Variants in AQR observed in about 807,000 individuals in gnomAD.
The protein encoded by AQR is aquarius intron-binding spliceosomal factor, also known as RNA helicase aquarius.
A neutral mutation model predicts 180.5 loss-of-function variants in AQR; 61 were observed. The ratio of observed to expected loss-of-function variants is 0.34; its 90% CI spans 0.28 to 0.42. The LOEUF (loss-of-function observed/expected upper bound fraction) is 0.42. Among genes scored for constraint, AQR ranks in the 10% least tolerant of loss-of-function variants. The pLI is 1.00. For missense variants in AQR, 1,281 were observed against 1,798.3 expected, an observed-to-expected ratio of 0.71 and a Z score of 5.20; for synonymous variants, 551 against 588.8, an observed-to-expected ratio of 0.94 and a Z score of 0.93.
chr15:34,854,155 G>GGAA lies in AQR; in HGVS notation c.*2636_*2637insTTC, dbSNP rs1566976550. ...ATGAACTTTCTTAACTCAGAATTTT[G>GGAA]AAAAAAAAAAAAAAAAAAGAAGAAG... On this transcript the variant is annotated 3_prime_UTR_variant, in exon 35 of 35. Transcript: ENST00000156471. The GGAA allele has an allele frequency of 7.6e-6, 1 of 130,788 alleles. No homozygotes were observed. The allele number at this position is 130,788 out of a possible 1,614,324, so 8.1% of individuals were successfully genotyped here. A position where few individuals can be genotyped will look rare whatever the true frequency, so the allele number is the denominator to read the frequency against.
At chr15:34,898,808 C>T (rs575521940) in intron 20 of AQR, among the ~76,000 whole-genome samples, 1 of 150,820 alleles carries the variant, frequency 6.6e-6, no homozygotes, top group African/African-American at 2.4e-5. Flanking sequence ...GGCGTGAACC[C>T]GGGAGGCAGA....
In AQR at chr15:34,900,656, C is replaced by G; in HGVS notation, c.2209G>C (p.Val737Leu). 1 of 1,614,128 alleles carries G rather than the reference C, an allele frequency of 6.2e-7. No homozygotes were observed. Among genetic ancestry groups the G allele is most frequent in the Non-Finnish European group, 8.5e-7 (1 of 1,179,996 alleles). ...SFPGHNVKVTVEDPALQIPPF... is the reference protein window; with the variant it reads ...SFPGHNVKVTLEDPALQIPPF... ...GGTATTTGTAGAGCAGGGTCTTCTA[C>G]AGTTACTTTAACATTATGACCAGGG... Residue 737 changes from valine to leucine, a missense_variant, in exon 20 of 35, where the codon GTA becomes CTA. This residue lies in a region of AQR where 112 missense variants were observed against 128.6 expected (regional missense o/e 0.87). Transcript: ENST00000156471.
At position 34,963,092 on chromosome 15, in the gene AQR, G is replaced by A. The variant is rs145276223; in HGVS notation, c.132+1142C>T. Among the ~76,000 whole-genome samples, 1,108 of 152,152 alleles carry A rather than the reference G, an allele frequency of 7.3e-3. 8 individuals are homozygous for A. Among genetic ancestry groups the A allele is most frequent in the Non-Finnish European group, 0.012 (833 of 67,988 alleles). On this transcript the variant is annotated intron_variant, in intron 2 of 34. Transcript: ENST00000156471. ...CCTGGGCTCAGTCAGTCATCCTCCC[G>A]CTTCAGCTTCCAGAGCAATTGATAC...
chr15:34,887,054 G>A (rs1350777782), intron 24 of AQR, among the ~76,000 whole-genome samples: 1 of 151,994 alleles, frequency 6.6e-6, no homozygotes, highest in Non-Finnish European at 1.5e-5. Context: ...GAACCTGGGA[G>A]GCGGAGCTTG....
Position 34,932,185 on chromosome 15 carries a change from T to C in AQR, c.900+133A>G. ...GGCAACCTATATAAGAATACATTCATTTTATATATTAAGACATGACTTTAA... is the reference window on the plus strand; with the variant it reads ...GGCAACCTATATAAGAATACATTCACTTTATATATTAAGACATGACTTTAA... On this transcript the variant is annotated intron_variant, in intron 11 of 34. Coordinates refer to ENST00000156471, the MANE Select transcript of AQR (RefSeq NM_014691.3). 1.4e-5 allele frequency: 9 copies of C among 663,032 alleles called. No homozygotes were observed. In the South Asian group the frequency reaches 1.8e-4, roughly 13 times the overall value. 41.1% of individuals were successfully genotyped at this position (663,032 alleles called of 1,614,324 possible). A position where few individuals can be genotyped will look rare whatever the true frequency, so the allele number is the denominator to read the frequency against.
intron 31 of AQR, chr15:34,869,470 A>C (rs1253189459): frequency 1.3e-5 from 2 of 152,128 alleles, no homozygotes; most frequent in African/African-American, 4.8e-5. Flanking sequence ...CCATGTGGAG[A>C]ACTGGGCTCA....
At chr15:34,900,292 T>A (rs758243521) in intron 20 of AQR, among the ~76,000 whole-genome samples, 16 of 152,222 alleles carry the variant, frequency 1.1e-4, no homozygotes, top group Non-Finnish European at 1.9e-4. Context: ...CTGCATTAGT[T>A]GAGAAACATA....
rs978103157 is a variant in AQR, at chr15:34,969,461, G to GA, written c.75+77dup. The stretch of plus-strand genomic sequence containing the variant: ...TGCCTCCTCCGGACTCCTAAATCCT[G>GA]AAAAAAAACCCCACCACCAGGCCTC... On this transcript the variant is annotated intron_variant, in intron 1 of 34. Transcript: ENST00000156471. The GA allele has an allele frequency of 1.3e-4, 197 of 1,503,598 alleles. No homozygotes were observed. In the Middle Eastern group the frequency reaches 1.7e-3, roughly 13 times the overall value. 93.1% of individuals were successfully genotyped at this position (1,503,598 alleles called of 1,614,324 possible).
At chr15:34,961,612 C>CAAAAAAAAA (rs1178777471) in intron 2 of AQR, among the ~76,000 whole-genome samples, 1 of 26,858 alleles carries the variant, frequency 3.7e-5, no homozygotes, top group Non-Finnish European at 6.7e-5. Flanking sequence ...GACTCCATCT[C>CAAAAAAAAA]AAAAAAAAAA....
chr15:34,964,398 C>G (rs1234522233), intron 1 of AQR, 108 bp from the exon 2 acceptor site: 8 of 903,462 alleles, frequency 8.9e-6, no homozygotes, highest in Middle Eastern at 2.1e-4. Flanking sequence ...CTACTCGGCA[C>G]TGGGGGACAG....
intron 32 of AQR, among the ~76,000 whole-genome samples, chr15:34,865,255 A>G (rs1429060443): frequency 6.6e-6 from 1 of 152,186 alleles, no homozygotes; most frequent in Non-Finnish European, 1.5e-5. Context: ...TACTTGGCTC[A>G]GAACAGGTTA....
At chr15:34,959,189 G>T (rs1176526013) in intron 3 of AQR, among the ~76,000 whole-genome samples, 3 of 152,104 alleles carry the variant, frequency 2.0e-5, no homozygotes, top group African/African-American at 7.2e-5. Flanking sequence ...TTGAGACAGG[G>T]TCTCACTCTG....
chr15:34,900,156 T>C (rs1281332839), intron 20 of AQR, among the ~76,000 whole-genome samples: 1 of 152,134 alleles, frequency 6.6e-6, no homozygotes, highest in East Asian at 1.9e-4. Flanking sequence ...GCCTCTGAAG[T>C]CACTGGGATT....
intron 20 of AQR, among the ~76,000 whole-genome samples, chr15:34,899,182 A>G (rs1040730800): frequency 6.6e-6 from 1 of 152,058 alleles, no homozygotes; most frequent in African/African-American, 2.4e-5. Flanking sequence ...AAAAACAAAA[A>G]AAAAATCCAA....
intron 4 of AQR, among the ~76,000 whole-genome samples, chr15:34,951,761 G>A (rs1008171983): frequency 6.6e-6 from 1 of 151,510 alleles, no homozygotes; most frequent in Non-Finnish European, 1.5e-5. Context: ...TTGGTTTCTG[G>A]ACTCTAGAAT....
chr15:34,948,015 C>A, intron 5 of AQR: 1 of 360,032 alleles, frequency 2.8e-6, no homozygotes, highest in East Asian at 5.8e-5. Context: ...TTCTTTGTTT[C>A]AAACACAAAG....
Position 34,952,896 on chromosome 15 carries a change from G to C in AQR, c.198C>G (p.Leu66=), listed in dbSNP as rs776816217. ...KSRFAIRKIM[L]LEFSQYLENY... ...GCCTTATAACTTACCTAAATTCCAA[G>C]AGCATTATCTTTCTAATAGCAAACC... Residue 66 remains leucine, a synonymous_variant, in exon 4 of 35, where the codon CTC becomes CTG. Transcript: ENST00000156471. The C allele has an allele frequency of 1.4e-6, 2 of 1,465,370 alleles. No homozygotes were observed. The highest frequency in any genetic ancestry group is 2.3e-5 in the East Asian group (1 of 42,638). 90.8% of individuals were successfully genotyped at this position (1,465,370 alleles called of 1,614,324 possible). A position where few individuals can be genotyped will look rare whatever the true frequency, so the allele number is the denominator to read the frequency against.
At chr15:34,968,371 G>C (rs1356477215) in intron 1 of AQR, among the ~76,000 whole-genome samples, 2 of 151,824 alleles carry the variant, frequency 1.3e-5, no homozygotes, top group Non-Finnish European at 2.9e-5. Context: ...TCCTGCCTCA[G>C]CCTCCCGAGT....
intron 10 of AQR, among the ~76,000 whole-genome samples, chr15:34,932,945 G>C (rs1299978873): frequency 6.6e-6 from 1 of 152,074 alleles, no homozygotes; most frequent in Non-Finnish European, 1.5e-5. Context: ...TACAGAGCAA[G>C]ACTGTCTCAG....
Sources: allele counts gnomAD v4.1 joint callset (sites outside exome capture counted in the v4.1 genomes callset), GRCh38; gene constraint gnomAD v4.1.1; regional missense constraint gnomAD v4.1.1; transcripts MANE v1.5; gene names NCBI Gene and HGNC (gene_info 2026-07-23, HGNC 2026-07-21).